TSNARE1: variants seen among roughly 807,000 people sequenced by gnomAD.
TSNARE1 encodes t-SNARE domain containing 1, also known as t-SNARE domain-containing protein 1.
In TSNARE1, 49 loss-of-function variants were observed where a neutral mutation model predicts 62.0. That is an observed-to-expected ratio of 0.79 (90% CI 0.63 to 1.00). TSNARE1 has a LOEUF of 1.00. Among genes scored for constraint, TSNARE1 ranks in the 50% least tolerant of loss-of-function variants. The probability of loss-of-function intolerance (pLI) is 0.00; values close to 1 mark genes in which losing one functional copy is unlikely to be tolerated. For missense variants in TSNARE1, 755 were observed against 700.1 expected (o/e 1.08, Z -0.88); for synonymous variants, 328 against 294.4 (o/e 1.11, Z -1.17).
chr8:142,221,677 TCATC>T (rs201707051), intron 13 of TSNARE1, among the ~76,000 whole-genome samples: 1 of 84,638 alleles, frequency 1.2e-5, no homozygotes, highest in South Asian at 4.6e-4. Flanking sequence ...ACTCATCCAC[TCATC>T]CACTCACTCA....
intron 12 of TSNARE1, chr8:142,270,058 G>A: frequency 1.0e-6 from 1 of 985,444 alleles, no homozygotes; most frequent in Non-Finnish European, 1.2e-6. Context: ...TCTTGCTCCT[G>A]GGACAGGCTT....
chr8:142,281,444 C>T (rs536557961), intron 11 of TSNARE1, among the ~76,000 whole-genome samples: 4 of 152,002 alleles, frequency 2.6e-5, no homozygotes, highest in African/African-American at 9.7e-5. Context: ...GGTCAGCATC[C>T]CCTCAAAAGC....
intron 1 of TSNARE1, among the ~76,000 whole-genome samples, chr8:142,359,453 C>T (rs1259210066): frequency 4.6e-5 from 7 of 152,182 alleles, no homozygotes; most frequent in Non-Finnish European, 1.0e-4. Context: ...AGAACCCCCA[C>T]AGGATTGGTC....
intron 1 of TSNARE1, among the ~76,000 whole-genome samples, chr8:142,390,787 GCGGGGGA>G (rs1837453148): frequency 1.7e-5 from 1 of 57,840 alleles, no homozygotes. Flanking sequence ...GCTGTACACT[GCGGGGGA>G]CTCCGTAACA....
intron 11 of TSNARE1, chr8:142,275,970 G>C: frequency 2.0e-6 from 2 of 985,428 alleles, no homozygotes; most frequent in South Asian, 9.4e-5. Context: ...CAAGCCCCCT[G>C]GGCAGGAGGT....
Position 142,315,028 on chromosome 8 carries a change from A to G in TSNARE1, c.1049T>C (p.Ile350Thr). The change falls in exon 8 of 14, where the codon ATT becomes ACT. Residue 350 changes from isoleucine to threonine, a missense_variant. Physicochemically the swap from Ile to Thr is moderately conservative, Grantham distance 89. Transcript: ENST00000524325. ...CTTCTGCACCACTCCATAGCACTGA[A>G]TGGCATCTGAGAGCTGGGTTTTCAG... Reference protein sequence around the residue: ...DRLKTQLSDAIQCYGVVQKKI... With the variant: ...DRLKTQLSDATQCYGVVQKKI... 1 of 1,614,078 alleles carries G rather than the reference A, an allele frequency of 6.2e-7. No individual in the cohort carries two copies. The highest frequency in any genetic ancestry group is 1.1e-5 in the South Asian group (1 of 91,082).
At chr8:142,317,223 G>A (rs901597504) in intron 7 of TSNARE1, among the ~76,000 whole-genome samples, 14 of 149,512 alleles carry the variant, frequency 9.4e-5, no homozygotes, top group African/African-American at 1.5e-4. Flanking sequence ...CGCGTGAAGC[G>A]GGTACGACCA....
At chr8:142,348,476 C>CG (rs59148279) in intron 2 of TSNARE1, among the ~76,000 whole-genome samples, 1 of 150,028 alleles carries the variant, frequency 6.7e-6, no homozygotes. Flanking sequence ...CCGGCCGCCC[C>CG]AAGCTGGCTG....
chr8:142,362,452 C>T (rs2130890672), intron 1 of TSNARE1, among the ~76,000 whole-genome samples: 1 of 152,336 alleles, frequency 6.6e-6, no homozygotes, highest in East Asian at 1.9e-4. Context: ...TCTGAGCCCA[C>T]TTTCTGCTGC....
intron 8 of TSNARE1, 105 bp downstream of exon 8, chr8:142,314,898 G>A: frequency 9.2e-7 from 1 of 1,084,300 alleles, no homozygotes; most frequent in Admixed American, 1.8e-5. Context: ...TTGGGGATGG[G>A]GCTGCACCAG....
At chr8:142,391,044 T>C (rs990378108) in intron 1 of TSNARE1, among the ~76,000 whole-genome samples, 1 of 146,846 alleles carries the variant, frequency 6.8e-6, no homozygotes. Context: ...TGCGGGGGAC[T>C]CTGTAACAGA....
At chr8:142,315,404 C>T (rs972998296) in intron 7 of TSNARE1, among the ~76,000 whole-genome samples, 1 of 152,252 alleles carries the variant, frequency 6.6e-6, no homozygotes, top group African/African-American at 2.4e-5. Flanking sequence ...CAGCGCAGGA[C>T]GTCGTGGCCC....
chr8:142,236,432 C>A (rs1191276733), intron 12 of TSNARE1, among the ~76,000 whole-genome samples: 1 of 151,964 alleles, frequency 6.6e-6, no homozygotes, highest in Non-Finnish European at 1.5e-5. Context: ...CTCCTTCCTG[C>A]ACCAAGTATC....
chr8:142,292,670 G>A (rs780947799), intron 10 of TSNARE1, among the ~76,000 whole-genome samples: 9 of 152,104 alleles, frequency 5.9e-5, no homozygotes, highest in Non-Finnish European at 1.0e-4. Flanking sequence ...GTGAGGACAG[G>A]GAAGGAGAGC....
chr8:142,230,064 T>C (rs1044299066), intron 12 of TSNARE1, among the ~76,000 whole-genome samples: 3 of 152,246 alleles, frequency 2.0e-5, no homozygotes, highest in African/African-American at 7.2e-5. Flanking sequence ...TTGTATATTC[T>C]TGTGGCTATT....
chr8:142,391,046 T>C (rs374677498), intron 1 of TSNARE1, among the ~76,000 whole-genome samples: 358 of 116,194 alleles, frequency 3.1e-3, no homozygotes, highest in African/African-American at 6.1e-3. Context: ...CGGGGGACTC[T>C]GTAACAGACG....
At chr8:142,330,827 G>C (rs1830919263) in intron 6 of TSNARE1, 74 bp downstream of exon 6, 2 of 1,489,592 alleles carry the variant, frequency 1.3e-6, no homozygotes, top group East Asian at 2.3e-5. Context: ...GTGCACAGGA[G>C]GACCACACTC....
chr8:142,275,498 G>C (rs891287775), intron 11 of TSNARE1: 7 of 985,308 alleles, frequency 7.1e-6, no homozygotes, highest in Admixed American at 6.1e-5. Flanking sequence ...CCAGGGCCGG[G>C]GCAGCCCCAG....
chr8:142,263,118 C>G (rs1297336251), intron 12 of TSNARE1, among the ~76,000 whole-genome samples: 2 of 152,162 alleles, frequency 1.3e-5, no homozygotes, highest in Non-Finnish European at 2.9e-5. Flanking sequence ...AGGAGGGCTC[C>G]TCATATCTCA....
Sources: gnomAD v4.1 joint callset for allele counts (sites outside exome capture counted in the v4.1 genomes callset) on GRCh38, gnomAD v4.1.1 for gene constraint, MANE v1.5 for transcripts, NCBI Gene and HGNC (gene_info 2026-07-23, HGNC 2026-07-21) for gene names.